Variants in VAC14 observed in about 807,000 individuals in gnomAD.
The protein encoded by VAC14 is protein VAC14 homolog.
In VAC14, 47 loss-of-function variants were observed where a neutral mutation model predicts 85.3. The observed-to-expected ratio is 0.55, with a 90% CI of 0.44 to 0.70. The LOEUF is 0.70. Among genes scored for constraint, VAC14 ranks in the 30% least tolerant of loss-of-function variants. The pLI, the probability that VAC14 is intolerant of heterozygous loss-of-function variation, is 0.00. For synonymous variants in VAC14, 447 were observed against 430.5 expected, an observed-to-expected ratio of 1.04 and a Z score of -0.47; for missense variants, 861 against 1,004.3, an observed-to-expected ratio of 0.86 and a Z score of 1.93.
intron 12 of VAC14, among the ~76,000 whole-genome samples, chr16:70,748,130 C>T (rs79955076): frequency 0.02 from 2,606 of 132,696 alleles, 33 homozygotes; most frequent in Middle Eastern, 0.036. Context: ...CAGCTCTGGT[C>T]CCCAAACCTG....
At chr16:70,690,503 C>T in intron 18 of VAC14, 1 of 985,652 alleles carries the variant, frequency 1.0e-6, no homozygotes, top group Non-Finnish European at 1.2e-6. Context: ...TTAGAGGTTC[C>T]CTCCTGCCTT....
intron 14 of VAC14, among the ~76,000 whole-genome samples, chr16:70,702,777 GA>G (rs2053854767): frequency 6.6e-6 from 1 of 152,188 alleles, no homozygotes; most frequent in Non-Finnish European, 1.5e-5. Context: ...AGGGAGGAAA[GA>G]GGGCCCATTT....
intron 14 of VAC14, among the ~76,000 whole-genome samples, chr16:70,717,659 C>A (rs2054195780): frequency 6.6e-6 from 1 of 151,886 alleles, no homozygotes; most frequent in Non-Finnish European, 1.5e-5. Context: ...TCATTTTTTT[C>A]TTTTTCTTTT....
chr16:70,780,018 A>ATT (rs368861697), intron 9 of VAC14, among the ~76,000 whole-genome samples: 63 of 111,858 alleles, frequency 5.6e-4, no homozygotes, highest in Admixed American at 1.6e-3. Flanking sequence ...AATTTTTGTA[A>ATT]TTTTTTTTTT....
chr16:70,780,959 G>A lies in VAC14; in HGVS notation c.947-20C>T, dbSNP rs747725539. 3.9e-5 allele frequency: 63 copies of A among 1,613,750 alleles called. No homozygotes were observed. The South Asian group carries it at 6.7e-4, about 17-fold the overall frequency. ...TGATGCCTGAGTCCACTGATGTAAGGAGCGTGATCTGATTTGGATGCCTGT... is the reference window on the plus strand; with the variant it reads ...TGATGCCTGAGTCCACTGATGTAAGAAGCGTGATCTGATTTGGATGCCTGT... On this transcript the variant is annotated intron_variant, in intron 8 of 18. Coordinates refer to ENST00000261776, the MANE Select transcript of VAC14 (RefSeq NM_018052.5).
chr16:70,784,170 C>A lies in VAC14; in HGVS notation c.537G>T (p.Leu179Phe). 3 of 1,614,162 alleles carry A rather than the reference C, an allele frequency of 1.9e-6. No homozygotes were observed. Among genetic ancestry groups the A allele is most frequent in the Non-Finnish European group, 2.5e-6 (3 of 1,180,032 alleles). Residue 179 changes from leucine to phenylalanine, a missense_variant, in exon 5 of 19, where the codon TTG becomes TTT. Leu to Phe is a conservative substitution (Grantham distance 22, BLOSUM62 0). Transcript: ENST00000261776. Reference sequence around the variant, plus strand: ...TGTTGGAGTAAATCCTCTCTCGCAACAAGGGGATGAAGCTCACCAGGTCAA... The same window carrying A: ...TGTTGGAGTAAATCCTCTCTCGCAAAAAGGGGATGAAGCTCACCAGGTCAA... The part of the protein sequence containing the change: ...NKFDLVSFIP[L>F]LRERIYSNNQ...
rs756694867 is a variant in VAC14 at position 70,784,239 on chromosome 16, T to G, written c.487-19A>C. The G allele has an allele frequency of 2.5e-6, 4 of 1,608,824 alleles. No homozygotes were observed. The highest frequency in any genetic ancestry group is 3.4e-6 in the Non-Finnish European group (4 of 1,175,570). On this transcript the variant is annotated intron_variant, in intron 4 of 18. Coordinates refer to ENST00000261776, the MANE Select transcript of VAC14 (RefSeq NM_018052.5). ...CAATGTCCTGTGGATCAGAGGAAAG[T>G]GAGCTGCCGAGAGCCCGAGACCAGG...
rs148175227 is a variant in VAC14, at chr16:70,707,838, T to C, written c.1662-9027A>G. Among the ~76,000 whole-genome samples, 848 of 151,712 alleles carry C rather than the reference T, an allele frequency of 5.6e-3. 4 individuals carry two copies. The highest frequency in any genetic ancestry group is 9.8e-3 in the Non-Finnish European group (666 of 67,840). ...TTCAAGATGGAGTCTCGCTCTGTCA[T>C]CCAGTGCAGTGGTGTGATCTTGGCT... is the stretch of plus-strand genomic sequence containing the variant. On this transcript the variant is annotated intron_variant, in intron 14 of 18. Transcript: ENST00000261776.
chr16:70,712,877 C>T (rs1032778501), intron 14 of VAC14, among the ~76,000 whole-genome samples: 3 of 152,192 alleles, frequency 2.0e-5, no homozygotes, highest in African/African-American at 4.8e-5. Flanking sequence ...GGCTTGGCGA[C>T]GGAGCCCACG....
Position 70,691,015 on chromosome 16 carries a change from C to T in VAC14, c.2186+1806G>A, listed in dbSNP as rs903001360. 4.1e-6 allele frequency: 4 copies of T among 985,366 alleles called. No homozygotes were observed. In the African/African-American group the frequency reaches 7.0e-5, roughly 17 times the overall value. The allele number at this position is 985,366 out of a possible 1,614,324, so 61.0% of individuals were successfully genotyped here. A position where few individuals can be genotyped will look rare whatever the true frequency, so the allele number is the denominator to read the frequency against. On this transcript the variant is annotated intron_variant, in intron 18 of 18. Coordinates refer to ENST00000261776, the MANE Select transcript of VAC14 (RefSeq NM_018052.5). ...AACAAATCCATGGCAGAGCTCACACCAGATCCTACTCTAGGCCTGCAAAGC... is the reference window on the plus strand; with the variant it reads ...AACAAATCCATGGCAGAGCTCACACTAGATCCTACTCTAGGCCTGCAAAGC...
At chr16:70,770,786 A>C (rs1567589445) in intron 10 of VAC14, 1 of 152,248 alleles carries the variant, frequency 6.6e-6, no homozygotes, top group Non-Finnish European at 1.5e-5. Context: ...CGTGGCAGCT[A>C]TGTGAAAAGG....
Position 70,733,911 on chromosome 16 carries a change from C to T in VAC14, c.1529-2284G>A, listed in dbSNP as rs570270310. On this transcript the variant is annotated intron_variant, in intron 13 of 18. Coordinates refer to ENST00000261776, the MANE Select transcript of VAC14 (RefSeq NM_018052.5). Reference sequence around the variant, plus strand: ...CACGGTCTTGGCTCACTGCAACCTCCGCCCGGGTTCAAGCAATTCTCCTGC... The same window carrying T: ...CACGGTCTTGGCTCACTGCAACCTCTGCCCGGGTTCAAGCAATTCTCCTGC... Among the ~76,000 whole-genome samples, 14 of 152,256 alleles carry T rather than the reference C, an allele frequency of 9.2e-5. No homozygotes were observed. In the South Asian group the frequency reaches 2.5e-3, roughly 27 times the overall value.
At chr16:70,738,213 T>C (rs1294537716) in intron 13 of VAC14, among the ~76,000 whole-genome samples, 2 of 151,842 alleles carry the variant, frequency 1.3e-5, no homozygotes, top group East Asian at 3.9e-4. Context: ...AAAGGGAGGC[T>C]GAGCAGGGTC....
chr16:70,742,627 A>G (rs1017625851), intron 13 of VAC14, among the ~76,000 whole-genome samples: 1 of 152,214 alleles, frequency 6.6e-6, no homozygotes, highest in Admixed American at 6.5e-5. Flanking sequence ...TGGGCCTTCT[A>G]TGACTTCACC....
At position 70,762,647 on chromosome 16, in the gene VAC14, C is replaced by T. The variant is rs112783419; in HGVS notation, c.1306-42G>A. 3.1e-5 allele frequency: 50 copies of T among 1,602,072 alleles called. No individual in the cohort carries two copies. Among genetic ancestry groups the T allele is most frequent in the African/African-American group, 1.2e-4 (9 of 74,774 alleles). On this transcript the variant is annotated intron_variant, in intron 11 of 18. Coordinates refer to ENST00000261776, the MANE Select transcript of VAC14 (RefSeq NM_018052.5). The surrounding 1 kb of genome is among the most constrained non-coding windows in gnomAD (Gnocchi z 4.1). ...CAGGGGTGCCCGTGAGTGCTCCCTTCGCCCCGGGACTACGTGCAGTGCAGT... is the reference window on the plus strand; with the variant it reads ...CAGGGGTGCCCGTGAGTGCTCCCTTTGCCCCGGGACTACGTGCAGTGCAGT...
At chr16:70,768,112 C>T (rs551044732) in intron 10 of VAC14, among the ~76,000 whole-genome samples, 1 of 152,312 alleles carries the variant, frequency 6.6e-6, no homozygotes, top group East Asian at 1.9e-4. Context: ...TCTCTAACTC[C>T]TGGGCTCAAG....
intron 18 of VAC14, chr16:70,692,098 GCAAAGC>G: frequency 1.0e-6 from 1 of 981,388 alleles, no homozygotes; most frequent in Non-Finnish European, 1.2e-6. Flanking sequence ...TGTGGATGAG[GCAAAGC>G]CTCCAAGGGT....
chr16:70,713,149 C>T (rs1443773383), intron 14 of VAC14, among the ~76,000 whole-genome samples: 4 of 151,828 alleles, frequency 2.6e-5, no homozygotes, highest in East Asian at 3.9e-4. Flanking sequence ...AATACAAGCA[C>T]GAAAAAAAAG....
At chr16:70,759,236 G>A (rs1006688576) in intron 12 of VAC14, among the ~76,000 whole-genome samples, 10 of 152,212 alleles carry the variant, frequency 6.6e-5, no homozygotes, top group Non-Finnish European at 1.3e-4. Context: ...TTGCAACACA[G>A]ATGACAAAGT....
Sources: allele counts gnomAD v4.1 joint callset (sites outside exome capture counted in the v4.1 genomes callset), GRCh38; gene constraint gnomAD v4.1.1; non-coding constraint Gnocchi (gnomAD v3.1); transcripts MANE v1.5; gene names NCBI Gene and HGNC (gene_info 2026-07-23, HGNC 2026-07-21).